PAPPA2: variants seen among roughly 807,000 people sequenced by gnomAD.
PAPPA2 encodes the protein pappalysin 2, also known as pappalysin-2.
In PAPPA2, 86 loss-of-function variants were observed where a neutral mutation model predicts 176.4. The ratio of observed to expected loss-of-function variants is 0.49; its 90% CI spans 0.41 to 0.58. The LOEUF is 0.58. PAPPA2 is among the 20% of genes least tolerant of loss of function. PAPPA2 has a pLI of 0.00. For synonymous variants in PAPPA2, 809 were observed against 852.2 expected, an observed-to-expected ratio of 0.95 and a Z score of 0.88; for missense variants, 2,073 against 2,256.9, an observed-to-expected ratio of 0.92 and a Z score of 1.65.
At chr1:176,779,730 G>A (rs1664631603) in intron 17 of PAPPA2, among the ~76,000 whole-genome samples, 1 of 152,134 alleles carries the variant, frequency 6.6e-6, no homozygotes, top group African/African-American at 2.4e-5. Flanking sequence ...GAATAATAGA[G>A]GTTATGTGAT....
intron 3 of PAPPA2, among the ~76,000 whole-genome samples, chr1:176,632,773 G>A (rs1229659387): frequency 6.6e-6 from 1 of 152,218 alleles, no homozygotes; most frequent in South Asian, 2.1e-4. Flanking sequence ...TGCCTCACAG[G>A]GTCCTAGGGC....
At position 176,695,720 on chromosome 1, in the gene PAPPA2, AT is replaced by A. The variant is rs752055618; in HGVS notation, c.2625-17del. 1 of 1,613,378 alleles carries A rather than the reference AT, an allele frequency of 6.2e-7. No homozygotes were observed. The highest frequency in any genetic ancestry group is 1.7e-5 in the Admixed American group (1 of 59,956). ...TGGACTCTCCTCATCTCCCATCTCC[AT>A]CCCTTTATCTCCCCAGGGCCTCAGG... On this transcript the variant is annotated splice_polypyrimidine_tract_variant and intron_variant, in intron 6 of 22. Coordinates refer to ENST00000367662, the MANE Select transcript of PAPPA2 (RefSeq NM_020318.3).
At chr1:176,837,169 A>T (rs1455067903) in intron 21 of PAPPA2, among the ~76,000 whole-genome samples, 1 of 152,256 alleles carries the variant, frequency 6.6e-6, no homozygotes, top group East Asian at 1.9e-4. Context: ...TGTCCATTTC[A>T]TCTGCCTGGA....
intron 21 of PAPPA2, among the ~76,000 whole-genome samples, chr1:176,812,704 T>G (rs1666209421): frequency 6.6e-6 from 1 of 152,216 alleles, no homozygotes; most frequent in East Asian, 1.9e-4. Context: ...GTGAAATTAT[T>G]TTATTAAATA....
At chr1:176,750,541 G>T (rs1663120664) in intron 14 of PAPPA2, among the ~76,000 whole-genome samples, 1 of 152,072 alleles carries the variant, frequency 6.6e-6, no homozygotes, top group South Asian at 2.1e-4. Context: ...GGATGCGGAG[G>T]TTGCAGTGAA....
intron 17 of PAPPA2, among the ~76,000 whole-genome samples, chr1:176,772,617 T>C (rs978436202): frequency 6.6e-6 from 1 of 152,122 alleles, no homozygotes; most frequent in Non-Finnish European, 1.5e-5. Flanking sequence ...AGGGCCAGGC[T>C]GATTAGAACA....
chr1:176,639,782 T>C (rs970863241), intron 3 of PAPPA2, among the ~76,000 whole-genome samples: 1 of 151,772 alleles, frequency 6.6e-6, no homozygotes, highest in African/African-American at 2.4e-5. Flanking sequence ...TGGCGAGATC[T>C]TGGCTCACTG....
intron 3 of PAPPA2, among the ~76,000 whole-genome samples, chr1:176,626,509 C>G (rs1656025956): frequency 6.6e-6 from 1 of 152,178 alleles, no homozygotes; most frequent in Non-Finnish European, 1.5e-5. Context: ...TACAGCCATG[C>G]TCCTCTCTCA....
rs1176242842 is a variant in PAPPA2, at chr1:176,740,141, T to C, written c.4096T>C (p.Ser1366Pro). Reference sequence around the variant, plus strand: ...AAGGACATCCTCCCGCATTGGTCTTTCGGCTCCCAGTAACTGCATCTCAGA... The same window carrying C: ...AAGGACATCCTCCCGCATTGGTCTTCCGGCTCCCAGTAACTGCATCTCAGA... ...ALRTSSRIGL[S>P]APSNCISEDE... Residue 1366 changes from serine to proline, a missense_variant, in exon 14 of 23, where the codon TCG (serine) becomes CCG (proline). Around this residue, in one of 4 missense-constraint regions of PAPPA2, gnomAD observed 846 missense variants for 857.9 expected, o/e 0.99. Coordinates refer to ENST00000367662, the MANE Select transcript of PAPPA2 (RefSeq NM_020318.3). The C allele has an allele frequency of 1.9e-6, 3 of 1,613,840 alleles. No homozygotes were observed. The highest frequency in any genetic ancestry group is 2.5e-6 in the Non-Finnish European group (3 of 1,179,840).
chr1:176,816,162 A>T (rs1437681318), intron 21 of PAPPA2, among the ~76,000 whole-genome samples: 1 of 100,138 alleles, frequency 1.0e-5, no homozygotes, highest in East Asian at 2.7e-4. Context: ...GTATATATAT[A>T]TATATATATA....
Position 176,800,055 on chromosome 1 carries a change from C to G in PAPPA2, c.5131-6C>G. 2 of 1,613,950 alleles carry G rather than the reference C, an allele frequency of 1.2e-6. No individual in the cohort carries two copies. The highest frequency in any genetic ancestry group is 1.7e-6 in the Non-Finnish European group (2 of 1,179,906). On this transcript the variant is annotated splice_region_variant and splice_polypyrimidine_tract_variant and intron_variant, in intron 20 of 22. Transcript: ENST00000367662. ...TGTTTTCTGTTTTTCCCGTCTTTCC[C>G]CTTAGAGCATTGTGTGCACTGGCCG... is the stretch of plus-strand genomic sequence containing the variant.
At chr1:176,743,378 C>T (rs948550986) in intron 14 of PAPPA2, among the ~76,000 whole-genome samples, 8 of 152,062 alleles carry the variant, frequency 5.3e-5, no homozygotes, top group Non-Finnish European at 1.2e-4. Flanking sequence ...AGTTTATGAC[C>T]CTTTGAGCTT....
rs1661160911 is a variant in PAPPA2, at chr1:176,711,866, A to C, written c.3683A>C (p.Asn1228Thr). Residue 1228 changes from asparagine to threonine, a missense_variant, in exon 12 of 23, where the codon AAC becomes ACC. Asn to Thr is a moderately conservative substitution (Grantham distance 65). Transcript: ENST00000367662. The stretch of plus-strand genomic sequence containing the variant: ...ACATCATACCATCCAGATTTACCCA[A>C]CCACCGTCCCCTAACTGGCTGGTTT... ...ICTSYHPDLP[N>T]HRPLTGWFPC... 1 of 1,612,212 alleles carries C rather than the reference A, an allele frequency of 6.2e-7. No individual in the cohort carries two copies. The highest frequency in any genetic ancestry group is 8.5e-7 in the Non-Finnish European group (1 of 1,178,470).
chr1:176,528,659 G>A (rs942219432), intron 1 of PAPPA2, among the ~76,000 whole-genome samples: 3 of 152,016 alleles, frequency 2.0e-5, no homozygotes, highest in East Asian at 1.9e-4. Flanking sequence ...ATTTACATAC[G>A]GCACCAATTT....
At chr1:176,480,455 G>A (rs1420996319) in intron 1 of PAPPA2, among the ~76,000 whole-genome samples, 2 of 152,198 alleles carry the variant, frequency 1.3e-5, no homozygotes, top group Non-Finnish European at 1.5e-5. Context: ...TTGGCAGTCC[G>A]AACTGAGAGG....
chr1:176,672,865 C>G (rs1175409476), intron 4 of PAPPA2, among the ~76,000 whole-genome samples: 2 of 152,136 alleles, frequency 1.3e-5, no homozygotes, highest in African/African-American at 4.8e-5. Flanking sequence ...GTTCTCAGTA[C>G]ATGAGAAATC....
chr1:176,496,217 T>G (rs1647611601), intron 1 of PAPPA2, among the ~76,000 whole-genome samples: 1 of 152,224 alleles, frequency 6.6e-6, no homozygotes, highest in African/African-American at 2.4e-5. Flanking sequence ...GCATTAGGTA[T>G]ATCTCCAATG....
chr1:176,556,654 T>G lies in PAPPA2; in HGVS notation c.332T>G (p.Leu111Arg), dbSNP rs765160502. ...GNAVSLVPPDLTENPAGLRGA... is the reference protein window; with the variant it reads ...GNAVSLVPPDRTENPAGLRGA... ...GCTGTGAGCCTTGTTCCCCCAGACC[T>G]GACTGAAAATCCAGCAGGACTGAGG... Residue 111 changes from leucine (L) to arginine (R), a missense_variant, in exon 2 of 23, where the codon CTG becomes CGG. Leu to Arg is a moderately radical substitution (Grantham distance 102). Around this residue, in one of 4 missense-constraint regions of PAPPA2, gnomAD observed 1,196 missense variants for 1,330.4 expected, o/e 0.90. Coordinates refer to ENST00000367662, the MANE Select transcript of PAPPA2 (RefSeq NM_020318.3). 6.2e-7 allele frequency: 1 copy of G among 1,614,156 alleles called. No homozygotes were observed. Among genetic ancestry groups the G allele is most frequent in the Non-Finnish European group, 8.5e-7 (1 of 1,180,026 alleles).
chr1:176,533,151 G>T (rs1007292262), intron 1 of PAPPA2, among the ~76,000 whole-genome samples: 1 of 152,190 alleles, frequency 6.6e-6, no homozygotes. Context: ...TCTGAACATG[G>T]TGTAGGTAAG....
Sources: allele counts gnomAD v4.1 joint callset (sites outside exome capture counted in the v4.1 genomes callset), GRCh38; gene constraint gnomAD v4.1.1; regional missense constraint gnomAD v4.1.1; transcripts MANE v1.5; gene names NCBI Gene and HGNC (gene_info 2026-07-23, HGNC 2026-07-21).